The following TNRC18 variants were observed in gnomAD, a reference collection of about 807,000 sequenced individuals.
TNRC18 encodes the protein trinucleotide repeat-containing gene 18 protein.
A neutral mutation model predicts 226.7 loss-of-function variants in TNRC18; 69 were observed. That is an observed-to-expected ratio of 0.30 (90% CI 0.25 to 0.37). The LOEUF (loss-of-function observed/expected upper bound fraction) is 0.37, where lower values mean the gene tolerates loss of function less well. Ranked by LOEUF, TNRC18 falls within the 10% of genes least tolerant of loss-of-function variation. The pLI is 1.00. For missense variants in TNRC18, 4,754 were observed against 4,256.6 expected, an observed-to-expected ratio of 1.12 and a Z score of -3.25; for synonymous variants, 2,449 against 1,927.6, an observed-to-expected ratio of 1.27 and a Z score of -7.09.
chr7:5,419,462 C>T (rs1331031661), intron 2 of TNRC18, among the ~76,000 whole-genome samples: 1 of 152,286 alleles, frequency 6.6e-6, no homozygotes, highest in East Asian at 1.9e-4. Flanking sequence ...AAGACACACG[C>T]ATGCACACAC....
chr7:5,399,877 A>G (rs1353216911), intron 2 of TNRC18, among the ~76,000 whole-genome samples: 6 of 137,060 alleles, frequency 4.4e-5, no homozygotes, highest in African/African-American at 1.4e-4. Context: ...CCCCGTCTCT[A>G]CTATAAATAC....
intron 16 of TNRC18, 97 bp downstream of exon 16, chr7:5,356,819 A>C: frequency 1.5e-6 from 2 of 1,360,150 alleles, no homozygotes; most frequent in Non-Finnish European, 9.5e-7. Context: ...AGCGAGAGAG[A>C]GAGTGAGGGG....
In TNRC18 at chr7:5,325,476, C is replaced by G. The variant is rs557443894; in HGVS notation, c.6148-228G>C. ...TCTCGCTCTGTCACCGAGGCTGGAG[C>G]GCAGTGGCGCGATCTTGGCTCACTG... On this transcript the variant is annotated intron_variant, in intron 19 of 29. Transcript: ENST00000430969. 5 of 473,594 alleles carry G rather than the reference C, an allele frequency of 1.1e-5. No homozygotes were observed. The East Asian group carries it at 1.8e-4, about 17-fold the overall frequency. 29.3% of individuals were successfully genotyped at this position (473,594 alleles called of 1,614,324 possible).
Position 5,312,626 on chromosome 7 carries a change from G to T in TNRC18, c.8265C>A (p.Val2755=). 1 of 1,610,392 alleles carries T rather than the reference G, an allele frequency of 6.2e-7. No homozygotes were observed. Among genetic ancestry groups the T allele is most frequent in the Non-Finnish European group, 8.5e-7 (1 of 1,179,206 alleles). ...CCAGCTCCTTGGTGGTGGGGAGGTG[G>T]ACGCCCTCTCTCTTCTTGGGTCGGC... ...AKSRPKKREG[V]HLPTTKELAK... The change falls in exon 27 of 30, where the codon GTC becomes GTA. Residue 2755 remains valine, a synonymous_variant. Coordinates refer to ENST00000430969, the MANE Select transcript of TNRC18 (RefSeq NM_001080495.3). This position sits in a 1 kb window ranked among gnomAD's most constrained non-coding sequence, Gnocchi z 6.3.
chr7:5,375,909 A>T (rs1043405748), intron 9 of TNRC18, 125 bp downstream of exon 9: 13 of 977,410 alleles, frequency 1.3e-5, no homozygotes, highest in Admixed American at 5.5e-5. Context: ...GCCCTCCCTG[A>T]CCACCTGCCC....
chr7:5,384,264 A>C (rs1041200953), intron 5 of TNRC18, among the ~76,000 whole-genome samples: 11 of 152,108 alleles, frequency 7.2e-5, no homozygotes, highest in African/African-American at 2.6e-4. Context: ...CACCACGCCC[A>C]ACCTATTTTT....
In TNRC18 at chr7:5,307,652, G is replaced by T; in HGVS notation, c.*454C>A. On this transcript the variant is annotated 3_prime_UTR_variant, in exon 30 of 30. Coordinates refer to ENST00000430969, the MANE Select transcript of TNRC18 (RefSeq NM_001080495.3). ...TGTCCCATGCACGGTGGGAGGCCTT[G>T]GGGTGGGCTCCATGCTAAGGGTGCT... 5.1e-6 allele frequency: 2 copies of T among 390,160 alleles called. No homozygotes were observed. The highest frequency in any genetic ancestry group is 3.6e-5 in the South Asian group (2 of 56,004). 24.2% of individuals were successfully genotyped at this position (390,160 alleles called of 1,614,324 possible). A position where few individuals can be genotyped will look rare whatever the true frequency, so the allele number is the denominator to read the frequency against.
chr7:5,359,368 C>G, intron 15 of TNRC18, 30 bp downstream of exon 15: 1 of 1,612,432 alleles, frequency 6.2e-7, no homozygotes, highest in Non-Finnish European at 8.5e-7. Context: ...CCTGAAAGAT[C>G]TCACACACCT....
At chr7:5,410,896 AGAG>A (rs1781797051) in intron 2 of TNRC18, among the ~76,000 whole-genome samples, 1 of 149,018 alleles carries the variant, frequency 6.7e-6, no homozygotes, top group Admixed American at 6.7e-5. Flanking sequence ...GGAAGAGAAA[AGAG>A]AAGAGGAGAG....
intron 16 of TNRC18, among the ~76,000 whole-genome samples, chr7:5,352,299 C>T (rs537646259): frequency 6.6e-6 from 1 of 152,204 alleles, no homozygotes; most frequent in Non-Finnish European, 1.5e-5. Context: ...CTGGGTGCCT[C>T]GGTCATTGCA....
At chr7:5,353,058 C>T (rs1278721103) in intron 16 of TNRC18, among the ~76,000 whole-genome samples, 2 of 152,030 alleles carry the variant, frequency 1.3e-5, no homozygotes, top group African/African-American at 2.4e-5. Flanking sequence ...CAGCAAGACC[C>T]CAACCTCAGG....
intron 18 of TNRC18, among the ~76,000 whole-genome samples, chr7:5,342,065 T>G (rs193158611): frequency 1.3e-5 from 2 of 152,316 alleles, no homozygotes; most frequent in African/African-American, 4.8e-5. Flanking sequence ...TTTGTAAGGC[T>G]ACAGCTGCCA....
At chr7:5,401,828 C>T (rs1781112227) in intron 2 of TNRC18, among the ~76,000 whole-genome samples, 1 of 152,156 alleles carries the variant, frequency 6.6e-6, no homozygotes, top group South Asian at 2.1e-4. Context: ...TGGCTCATGC[C>T]TGTAATCTCA....
chr7:5,398,327 C>T (rs1342908134), intron 2 of TNRC18, among the ~76,000 whole-genome samples: 5 of 152,130 alleles, frequency 3.3e-5, no homozygotes, highest in African/African-American at 1.2e-4. Flanking sequence ...TACCCCACGA[C>T]GCCTGGCTAA....
In TNRC18 at chr7:5,394,751, G is replaced by A. The variant is rs370284737; in HGVS notation, c.188-156C>T. On this transcript the variant is annotated intron_variant, in intron 2 of 29. Coordinates refer to ENST00000430969, the MANE Select transcript of TNRC18 (RefSeq NM_001080495.3). This position sits in a 1 kb window ranked among gnomAD's most constrained non-coding sequence, Gnocchi z 4.5. Reference sequence around the variant, plus strand: ...AGACCAAAGAGGGTTCCCCTGCTCCGGCCCCACCCCTGGGCTGCAAGATGG... The same window carrying A: ...AGACCAAAGAGGGTTCCCCTGCTCCAGCCCCACCCCTGGGCTGCAAGATGG... Among the ~76,000 whole-genome samples, 6 of 148,682 alleles carry A rather than the reference G, an allele frequency of 4.0e-5. No individual in the cohort carries two copies. The East Asian group carries it at 6.1e-4, about 15-fold the overall frequency.
intron 17 of TNRC18, among the ~76,000 whole-genome samples, chr7:5,348,868 G>C (rs1206399095): frequency 3.9e-5 from 6 of 151,970 alleles, no homozygotes; most frequent in Admixed American, 3.3e-4. Context: ...CAGCGGCAAA[G>C]CAGGCTAAGT....
intron 24 of TNRC18, among the ~76,000 whole-genome samples, chr7:5,316,878 A>G (rs1382426539): frequency 6.6e-6 from 1 of 152,058 alleles, no homozygotes; most frequent in East Asian, 1.9e-4. Flanking sequence ...GAGAGGCCCC[A>G]AGCACCTCCA....
rs773475627 is a variant in TNRC18, at chr7:5,309,139, T to C, written c.8618A>G (p.Gln2873Arg). The C allele has an allele frequency of 1.5e-5, 24 of 1,608,816 alleles. 1 individual carries two copies. In the South Asian group the frequency reaches 2.5e-4, roughly 17 times the overall value. The change falls in exon 28 of 30, where the codon CAG (glutamine) becomes CGG (arginine). Residue 2873 changes from glutamine to arginine, a missense_variant. Physicochemically the swap from Gln to Arg is conservative, Grantham distance 43. Transcript: ENST00000430969. This position sits in a 1 kb window ranked among gnomAD's most constrained non-coding sequence, Gnocchi z 5.7. The stretch of plus-strand genomic sequence containing the variant: ...GCCGGGCCGCAGGCTCACCTGGCCC[T>C]GGTGGAACTGCTTGCCCGGGCTGGT... ...EETSPGKQFHQGQHWDQKSSR... is the reference protein window; with the variant it reads ...EETSPGKQFHRGQHWDQKSSR...
intron 18 of TNRC18, among the ~76,000 whole-genome samples, chr7:5,335,197 G>T (rs1789968598): frequency 1.3e-5 from 2 of 151,094 alleles, no homozygotes; most frequent in Non-Finnish European, 2.9e-5. Context: ...CAGCTACTCG[G>T]GAGGCTTAGG....
Sources: gnomAD v4.1 joint callset for allele counts (sites outside exome capture counted in the v4.1 genomes callset) on GRCh38, gnomAD v4.1.1 for gene constraint, Gnocchi (gnomAD v3.1) non-coding constraint, MANE v1.5 for transcripts, NCBI Gene and HGNC (gene_info 2026-07-23, HGNC 2026-07-21) for gene names.